The following EZR variants were observed in gnomAD, a reference collection of about 807,000 sequenced individuals.
EZR encodes the protein cytovillin 2.
A neutral mutation model predicts 74.8 loss-of-function variants in EZR; 40 were observed. The ratio of observed to expected loss-of-function variants is 0.53; its 90% CI spans 0.42 to 0.70. The LOEUF (loss-of-function observed/expected upper bound fraction) is 0.70, where lower values mean the gene tolerates loss of function less well. EZR is among the 30% of genes least tolerant of loss of function. The pLI is 0.00. For missense variants in EZR, 678 were observed against 755.8 expected (o/e 0.90, Z 1.21); for synonymous variants, 341 against 283.3 (o/e 1.20, Z -2.05).
rs1345731642 is a variant in EZR, at chr6:158,766,098, CCACAT to C, written c.*811_*815del. On this transcript the variant is annotated 3_prime_UTR_variant, in exon 14 of 14. Transcript: ENST00000367075. Reference sequence around the variant, plus strand: ...GTCCAGCTCCACCACTGCCCTCCTGCCACATCACATCAAGTGCCATGGTTTAGAGG... The same window carrying C: ...GTCCAGCTCCACCACTGCCCTCCTGCCACATCAAGTGCCATGGTTTAGAGG... The C allele has an allele frequency of 2.6e-5, 4 of 152,620 alleles. No individual in the cohort carries two copies. The highest frequency in any genetic ancestry group is 1.3e-4 in the Admixed American group (2 of 15,274). 9.5% of individuals were successfully genotyped at this position (152,620 alleles called of 1,614,324 possible).
intron 2 of EZR, among the ~76,000 whole-genome samples, chr6:158,803,438 C>T (rs1458728225): frequency 6.8e-6 from 1 of 148,008 alleles, no homozygotes; most frequent in African/African-American, 2.5e-5. Flanking sequence ...TAACATTACT[C>T]CTAAAATAGT....
Position 158,771,275 on chromosome 6 carries a change from G to T in EZR, c.928C>A (p.Arg310=), listed in dbSNP as rs762270034. 1.2e-6 allele frequency: 2 copies of T among 1,613,988 alleles called. No individual in the cohort carries two copies. The highest frequency in any genetic ancestry group is 8.5e-7 in the Non-Finnish European group (1 of 1,179,948). The part of the protein sequence containing the change: ...IEVQQMKAQA[R]EEKHQKQLER... ...AGCTGCTTCTGATGCTTCTCCTCCC[G>T]GGCCTGGGCCTTCATCTGCTGCACC... The change falls in exon 9 of 14, where the codon CGG becomes AGG. Residue 310 remains arginine (R), a synonymous_variant. Coordinates refer to ENST00000367075, the MANE Select transcript of EZR (RefSeq NM_001111077.2).
rs561000164 is a variant in EZR, at chr6:158,783,994, CAT to C, written c.552-330_552-329del. Among the ~76,000 whole-genome samples, 150 of 152,366 alleles carry C rather than the reference CAT, an allele frequency of 9.8e-4. 1 individual carries two copies. Among genetic ancestry groups the C allele is most frequent in the African/African-American group, 2.5e-3 (103 of 41,588 alleles). On this transcript the variant is annotated intron_variant, in intron 6 of 13. Coordinates refer to ENST00000367075, the MANE Select transcript of EZR (RefSeq NM_001111077.2). ...AATCCTCCTTTTTCTCTTGCCCACACATGTCTTCCCACAACCCTCCTCATAGG... is the reference window on the plus strand; with the variant it reads ...AATCCTCCTTTTTCTCTTGCCCACACGTCTTCCCACAACCCTCCTCATAGG...
intron 2 of EZR, among the ~76,000 whole-genome samples, chr6:158,790,178 ATAG>A (rs1194811335): frequency 1.3e-5 from 2 of 152,240 alleles, no homozygotes; most frequent in African/African-American, 2.4e-5. Flanking sequence ...AATTACGAAA[ATAG>A]TAGAAACTGG....
intron 2 of EZR, among the ~76,000 whole-genome samples, chr6:158,814,754 G>A (rs547751073): frequency 1.7e-4 from 26 of 152,108 alleles, no homozygotes; most frequent in African/African-American, 6.0e-4. Context: ...TGTTGACCAG[G>A]ATAGTCTTGA....
At chr6:158,810,098 AC>A (rs1777422389) in intron 2 of EZR, among the ~76,000 whole-genome samples, 1 of 152,250 alleles carries the variant, frequency 6.6e-6, no homozygotes, top group African/African-American at 2.4e-5. Flanking sequence ...TATACTGACT[AC>A]TAGAGTTTGA....
intron 2 of EZR, among the ~76,000 whole-genome samples, chr6:158,803,530 TATATATATATATATG>T (rs570572823): frequency 0.68 from 46,416 of 67,916 alleles, 13,520 homozygotes; most frequent in Non-Finnish European, 0.71. Context: ...TGTAACATTA[TATATATATATATATG>T]TATATATATA....
rs1791024628 is a variant in EZR, at chr6:158,769,398, G to A, written c.1272C>T (p.Tyr424=). The A allele has an allele frequency of 6.2e-7, 1 of 1,607,608 alleles. No individual in the cohort carries two copies. The highest frequency in any genetic ancestry group is 8.5e-7 in the Non-Finnish European group (1 of 1,179,988). Residue 424 remains tyrosine, a synonymous_variant, in exon 12 of 14, where the codon TAC becomes TAT. Coordinates refer to ENST00000367075, the MANE Select transcript of EZR (RefSeq NM_001111077.2). ...QEQLAAELAE[Y]TAKIALLEEA... ...CTTCCAGGAGGGCAATCTTGGCAGT[G>A]TATTCTGCAAGCTCCGCAGCCTGGG...
intron 3 of EZR, among the ~76,000 whole-genome samples, chr6:158,788,959 C>G (rs1462535799): frequency 6.6e-6 from 1 of 152,162 alleles, no homozygotes; most frequent in Non-Finnish European, 1.5e-5. Context: ...GTGAGAGACA[C>G]ACAGGCCAGC....
chr6:158,770,986 T>A (rs921868716), intron 9 of EZR, 92 bp from the exon 10 acceptor site: 4 of 1,583,718 alleles, frequency 2.5e-6, no homozygotes, highest in Non-Finnish European at 3.4e-6. Context: ...AGCTCCAGGA[T>A]GGACTTGGTA....
chr6:158,810,068 A>G (rs1015795359), intron 2 of EZR, among the ~76,000 whole-genome samples: 2 of 152,198 alleles, frequency 1.3e-5, no homozygotes, highest in Non-Finnish European at 2.9e-5. Flanking sequence ...TTCTAACTTA[A>G]AAATATGAGC....
intron 2 of EZR, among the ~76,000 whole-genome samples, chr6:158,790,579 C>CA (rs1211538928): frequency 5.9e-5 from 9 of 152,312 alleles, no homozygotes; most frequent in African/African-American, 2.2e-4. Context: ...GAGGCTGAGG[C>CA]AGGAGAATCG....
intron 2 of EZR, among the ~76,000 whole-genome samples, chr6:158,807,865 T>A (rs1443345344): frequency 1.3e-5 from 2 of 152,126 alleles, no homozygotes; most frequent in East Asian, 3.9e-4. Flanking sequence ...CAGACCAGCA[T>A]CTCCTTTCCA....
At chr6:158,786,692 A>AACTCT (rs1791591614) in intron 4 of EZR, among the ~76,000 whole-genome samples, 1 of 152,186 alleles carries the variant, frequency 6.6e-6, no homozygotes, top group Non-Finnish European at 1.5e-5. Flanking sequence ...CAGAGTTTGA[A>AACTCT]GAAAATGTTT....
At chr6:158,769,508 G>A (rs2128564379) in intron 11 of EZR, 90 bp from the exon 12 acceptor site, 1 of 1,326,114 alleles carries the variant, frequency 7.5e-7, no homozygotes, top group Non-Finnish European at 1.1e-6. Flanking sequence ...TTGGCAAGCA[G>A]TCTCCAACGT....
chr6:158,780,380 ATATC>A (rs1003139496), intron 7 of EZR, among the ~76,000 whole-genome samples: 6 of 152,208 alleles, frequency 3.9e-5, no homozygotes, highest in African/African-American at 1.4e-4. Context: ...AACCTCTAGT[ATATC>A]ATATGCACTT....
intron 2 of EZR, among the ~76,000 whole-genome samples, chr6:158,802,065 G>T (rs778555506): frequency 4.6e-5 from 7 of 152,188 alleles, no homozygotes; most frequent in African/African-American, 1.7e-4. Flanking sequence ...ACCAAAAAAC[G>T]TAACCCACCA....
Position 158,767,247 on chromosome 6 carries a change from C to A in EZR, c.1596+14G>T. On this transcript the variant is annotated intron_variant, in intron 13 of 13. Transcript: ENST00000367075. ...GAGGCAGGCTCCCTGGAGACAGAGCCCCTTGGGCCTCACCAGCAGCTGCCG... is the reference window on the plus strand; with the variant it reads ...GAGGCAGGCTCCCTGGAGACAGAGCACCTTGGGCCTCACCAGCAGCTGCCG... 6.2e-7 allele frequency: 1 copy of A among 1,606,400 alleles called. No individual in the cohort carries two copies. Among genetic ancestry groups the A allele is most frequent in the South Asian group, 1.1e-5 (1 of 90,304 alleles).
At chr6:158,817,176 A>G (rs1026900211) in intron 2 of EZR, among the ~76,000 whole-genome samples, 3 of 152,192 alleles carry the variant, frequency 2.0e-5, no homozygotes, top group African/African-American at 4.8e-5. Context: ...TGTAATCCCA[A>G]TTTGTAATGA....
Sources: gnomAD v4.1 joint callset for allele counts (sites outside exome capture counted in the v4.1 genomes callset) on GRCh38, gnomAD v4.1.1 for gene constraint, MANE v1.5 for transcripts, NCBI Gene and HGNC (gene_info 2026-07-23, HGNC 2026-07-21) for gene names.